Variants in RICTOR observed in about 807,000 individuals in gnomAD.
RICTOR encodes the protein RPTOR independent companion of MTOR complex 2.
RICTOR carries 49 observed loss-of-function variants against 214.9 expected under a neutral mutation model. The observed-to-expected ratio is 0.23, with a 90% confidence interval of 0.18 to 0.29. The LOEUF is 0.29. Among genes scored for constraint, RICTOR ranks in the 10% least tolerant of loss-of-function variants. The probability of loss-of-function intolerance (pLI) is 1.00; values close to 1 mark genes in which losing one functional copy is unlikely to be tolerated. For synonymous variants in RICTOR, 717 were observed against 711.3 expected, an observed-to-expected ratio of 1.01 and a Z score of -0.13; for missense variants, 1,625 against 2,047.0, an observed-to-expected ratio of 0.79 and a Z score of 3.98.
chr5:38,999,333 T>C (rs1753439649), intron 5 of RICTOR, among the ~76,000 whole-genome samples: 1 of 151,342 alleles, frequency 6.6e-6, no homozygotes. Context: ...AAAAGATATA[T>C]CCCAAAGAAG....
At chr5:39,063,928 A>T (rs2150210158) in intron 2 of RICTOR, among the ~76,000 whole-genome samples, 1 of 152,284 alleles carries the variant, frequency 6.6e-6, no homozygotes, top group African/African-American at 2.4e-5. Context: ...TCTTACTGAC[A>T]TCTTTAACAG....
intron 7 of RICTOR, among the ~76,000 whole-genome samples, chr5:38,982,807 T>C (rs200742629): frequency 4.5e-3 from 2 of 446 alleles, no homozygotes; most frequent in Non-Finnish European, 0.045. Context: ...TACACATACA[T>C]ATATATATAT....
At chr5:39,005,707 T>C (rs1754001708) in intron 3 of RICTOR, among the ~76,000 whole-genome samples, 1 of 152,180 alleles carries the variant, frequency 6.6e-6, no homozygotes, top group African/African-American at 2.4e-5. Flanking sequence ...TCTTTGATTG[T>C]ATATAAAAAC....
intron 2 of RICTOR, among the ~76,000 whole-genome samples, chr5:39,044,594 T>C (rs1212136676): frequency 6.6e-6 from 1 of 152,200 alleles, no homozygotes; most frequent in Non-Finnish European, 1.5e-5. Context: ...AATATAATTT[T>C]CCAAAAACCC....
intron 2 of RICTOR, among the ~76,000 whole-genome samples, chr5:39,046,439 CTT>C (rs33965533): frequency 0.034 from 4,783 of 138,760 alleles, 120 homozygotes; most frequent in South Asian, 0.083. Flanking sequence ...TGAAATATTA[CTT>C]TTTTTTTTTT....
chr5:39,044,743 G>C (rs900712511), intron 2 of RICTOR, among the ~76,000 whole-genome samples: 1 of 152,120 alleles, frequency 6.6e-6, no homozygotes, highest in Non-Finnish European at 1.5e-5. Flanking sequence ...GCAATGCATA[G>C]GAAAACAAAA....
intron 25 of RICTOR, among the ~76,000 whole-genome samples, chr5:38,956,015 G>A (rs931460634): frequency 6.6e-6 from 1 of 151,872 alleles, no homozygotes; most frequent in Non-Finnish European, 1.5e-5. Context: ...TTATAAATGT[G>A]ATCTCTTAAT....
At chr5:39,022,693 T>C (rs1221627326) in intron 2 of RICTOR, 1 of 152,282 alleles carries the variant, frequency 6.6e-6, no homozygotes, top group Non-Finnish European at 1.5e-5. Context: ...TTCCAAGAAA[T>C]GACACAGGAA....
intron 2 of RICTOR, among the ~76,000 whole-genome samples, chr5:39,024,589 G>A (rs1755666954): frequency 6.6e-6 from 1 of 152,264 alleles, no homozygotes; most frequent in Middle Eastern, 3.4e-3. Context: ...CAGGGTTGAG[G>A]TTCATAGAAG....
At chr5:38,984,068 A>G (rs1050523769) in intron 7 of RICTOR, among the ~76,000 whole-genome samples, 2 of 152,174 alleles carry the variant, frequency 1.3e-5, no homozygotes, top group African/African-American at 4.8e-5. Context: ...TTTTAAAACA[A>G]AAGTACCTGG....
intron 2 of RICTOR, among the ~76,000 whole-genome samples, chr5:39,073,898 G>A (rs944275221): frequency 4.6e-5 from 7 of 152,142 alleles, no homozygotes; most frequent in Non-Finnish European, 7.4e-5. Flanking sequence ...CCGGAGAAGG[G>A]CTCGGGCGAG....
intron 6 of RICTOR, among the ~76,000 whole-genome samples, chr5:38,996,542 A>C (rs1228853401): frequency 1.3e-5 from 2 of 152,232 alleles, no homozygotes; most frequent in African/African-American, 4.8e-5. Context: ...TCAAAGCAGT[A>C]ACTACATTTA....
At chr5:39,041,940 C>CAAAAAAAA (rs35609106) in intron 2 of RICTOR, among the ~76,000 whole-genome samples, 1 of 84,610 alleles carries the variant, frequency 1.2e-5, no homozygotes. Flanking sequence ...GACCCTGTTT[C>CAAAAAAAA]AAAAAAAAAA....
At chr5:39,060,376 T>C (rs994806572) in intron 2 of RICTOR, among the ~76,000 whole-genome samples, 4 of 152,054 alleles carry the variant, frequency 2.6e-5, no homozygotes, top group African/African-American at 4.8e-5. Flanking sequence ...CACTTAACAG[T>C]TGCCATTCTA....
chr5:39,036,717 A>G (rs940464148), intron 2 of RICTOR, among the ~76,000 whole-genome samples: 1 of 152,252 alleles, frequency 6.6e-6, no homozygotes, highest in African/African-American at 2.4e-5. Flanking sequence ...AAAGAGACAA[A>G]GAAGGCCATT....
intron 5 of RICTOR, 79 bp from the exon 6 acceptor site, chr5:38,996,961 C>T: frequency 1.1e-6 from 1 of 898,602 alleles, no homozygotes; most frequent in Admixed American, 1.8e-5. Flanking sequence ...ATAGATGAAA[C>T]CCATTTTCAC....
intron 2 of RICTOR, among the ~76,000 whole-genome samples, chr5:39,040,811 A>G (rs1757110210): frequency 1.3e-5 from 2 of 152,316 alleles, no homozygotes; most frequent in African/African-American, 4.8e-5. Flanking sequence ...ATAAATTTCA[A>G]TGCTCCTCAT....
chr5:39,067,648 G>C (rs892987521), intron 2 of RICTOR, among the ~76,000 whole-genome samples: 1 of 152,048 alleles, frequency 6.6e-6, no homozygotes, highest in East Asian at 1.9e-4. Flanking sequence ...AGAACAATCA[G>C]ACTAGAAATT....
chr5:39,029,493 ATTG>A (rs555438811), intron 2 of RICTOR, among the ~76,000 whole-genome samples: 239 of 152,314 alleles, frequency 1.6e-3, no homozygotes, highest in Admixed American at 2.7e-3. Context: ...AATAAACTAT[ATTG>A]TTATCTTTAC....
Sources: gnomAD v4.1 joint callset for allele counts (sites outside exome capture counted in the v4.1 genomes callset) on GRCh38, gnomAD v4.1.1 for gene constraint, MANE v1.5 for transcripts, NCBI Gene and HGNC (gene_info 2026-07-23, HGNC 2026-07-21) for gene names.